The following SYDE2 variants were observed in gnomAD, a reference collection of about 807,000 sequenced individuals.
SYDE2 encodes the protein synapse defective Rho GTPase homolog 2.
In SYDE2, 76 loss-of-function variants were observed where a neutral mutation model predicts 91.5. The observed-to-expected ratio is 0.83, with a 90% CI of 0.69 to 1.01. The LOEUF (loss-of-function observed/expected upper bound fraction) is 1.01. Among genes scored for constraint, SYDE2 ranks in the 50% least tolerant of loss-of-function variants. SYDE2 has a pLI of 0.00. For synonymous variants in SYDE2, 513 were observed against 506.4 expected, an observed-to-expected ratio of 1.01 and a Z score of -0.18; for missense variants, 1,364 against 1,367.7, an observed-to-expected ratio of 1.00 and a Z score of 0.04.
chr1:85,178,380 AT>A (rs1657787594), intron 3 of SYDE2, 108 bp from the exon 4 acceptor site: 3 of 960,898 alleles, frequency 3.1e-6, no homozygotes, highest in Admixed American at 6.0e-5. Flanking sequence ...ATGTCATTTA[AT>A]TTTAAATACC....
At chr1:85,186,213 C>G (rs1352236870) in intron 2 of SYDE2, among the ~76,000 whole-genome samples, 4 of 152,096 alleles carry the variant, frequency 2.6e-5, no homozygotes, top group Non-Finnish European at 2.9e-5. Flanking sequence ...TTTTATTGAG[C>G]ATTTTTGCAT....
intron 6 of SYDE2, among the ~76,000 whole-genome samples, chr1:85,163,588 C>T (rs1657156045): frequency 6.6e-6 from 1 of 151,240 alleles, no homozygotes; most frequent in African/African-American, 2.4e-5. Context: ...CTGAGGCAGG[C>T]ATGATTTAGA....
downstream of SYDE2, among the ~76,000 whole-genome samples, chr1:85,154,947 A>G (rs546953952): frequency 6.6e-6 from 1 of 151,540 alleles, no homozygotes; most frequent in Non-Finnish European, 1.5e-5. Flanking sequence ...TTCTGGGGGA[A>G]AAAAAGGCAC....
chr1:85,160,598 G>A (rs1434582580), intron 6 of SYDE2: 2 of 985,216 alleles, frequency 2.0e-6, no homozygotes, highest in Non-Finnish European at 2.4e-6. Context: ...TTTCCACTGT[G>A]TAATTATTCA....
intron 1 of SYDE2, among the ~76,000 whole-genome samples, chr1:85,194,450 T>C (rs1658502358): frequency 6.8e-6 from 1 of 147,786 alleles, no homozygotes; most frequent in African/African-American, 2.5e-5. Context: ...ATATTATATA[T>C]AAAAATACAT....
intron 1 of SYDE2, 85 bp from the exon 2 acceptor site, chr1:85,190,837 A>T (rs1033998667): frequency 1.8e-5 from 21 of 1,185,542 alleles, no homozygotes; most frequent in East Asian, 1.2e-4. Flanking sequence ...ATTTAAAAAA[A>T]TTTTTTTAAA....
At chr1:85,183,480 G>A (rs1038920904) in intron 2 of SYDE2, among the ~76,000 whole-genome samples, 2 of 152,046 alleles carry the variant, frequency 1.3e-5, no homozygotes, top group Non-Finnish European at 1.5e-5. Flanking sequence ...GCTAATGTAT[G>A]TAACACAACA....
intron 2 of SYDE2, among the ~76,000 whole-genome samples, chr1:85,185,379 A>G (rs1658093109): frequency 6.6e-6 from 1 of 151,700 alleles, no homozygotes; most frequent in East Asian, 1.9e-4. Context: ...CCAGGTTCAC[A>G]ATTTGCCACA....
intron 5 of SYDE2, 42 bp downstream of exon 5, chr1:85,169,002 A>G (rs1051178471): frequency 6.4e-7 from 1 of 1,567,054 alleles, no homozygotes; most frequent in African/African-American, 1.4e-5. Context: ...TATACAGTTC[A>G]TTAACTGGCT....
chr1:85,172,881 G>A (rs1046081059), intron 4 of SYDE2, among the ~76,000 whole-genome samples: 2 of 152,136 alleles, frequency 1.3e-5, no homozygotes, highest in African/African-American at 4.8e-5. Flanking sequence ...ATCAGCACAC[G>A]CAGGTGGGGC....
chr1:85,165,597 A>AATATATATATATGTGGTAAATAAATAAAT (rs137970465), intron 5 of SYDE2, among the ~76,000 whole-genome samples: 14 of 150,704 alleles, frequency 9.3e-5, no homozygotes, highest in Non-Finnish European at 1.3e-4. Context: ...TAAATAAATA[A>AATATATATATATGTGGTAAATAAATAAAT]ATATATATAT....
chr1:85,190,899 T>A (rs529704224), intron 1 of SYDE2, 147 bp from the exon 2 acceptor site: 2 of 537,264 alleles, frequency 3.7e-6, no homozygotes, highest in Non-Finnish European at 6.4e-6. Flanking sequence ...TAGAAAAAAT[T>A]TGAATTTTAC....
Position 85,159,096 on chromosome 1 carries a change from A to C in SYDE2, c.3239T>G (p.Leu1080Ter), listed in dbSNP as rs745696794. 5.1e-6 allele frequency: 4 copies of C among 780,750 alleles called. No individual in the cohort carries two copies. Among genetic ancestry groups the C allele is most frequent in the African/African-American group, 1.7e-5 (1 of 59,124 alleles). The allele number at this position is 780,750 out of a possible 1,614,324, so 48.4% of individuals were successfully genotyped here. ...SGVLRPRQNR[L>*]DSPLSNRYAG... ...ATAACGATTGCTAAGTGGACTGTCTAATCGGTTTTGCCTTGGCCTAAGTAC... is the reference window on the plus strand; with the variant it reads ...ATAACGATTGCTAAGTGGACTGTCTCATCGGTTTTGCCTTGGCCTAAGTAC... Residue 1080 changes from leucine to a stop codon, truncating the protein, a stop_gained, in exon 7 of 7, where the codon TTA (leucine) becomes TGA (stop). Transcript: ENST00000341460. LOFTEE classifies it high-confidence loss of function.
At position 85,200,390 on chromosome 1, in the gene SYDE2, G is replaced by A; in HGVS notation, c.607C>T (p.Leu203=). The change falls in exon 1 of 7, where the codon CTG becomes TTG. Residue 203 remains leucine (L), a synonymous_variant. Transcript: ENST00000341460. ...KWMYKGRLLS[L]GMKGRARGTA... The stretch of plus-strand genomic sequence containing the variant: ...CCACGGGCACGACCCTTCATTCCCA[G>A]GGACAGCAGACGCCCTTTGTACATC... 6.2e-7 allele frequency: 1 copy of A among 1,614,024 alleles called. No individual in the cohort carries two copies. The highest frequency in any genetic ancestry group is 8.5e-7 in the Non-Finnish European group (1 of 1,179,902).
intron 1 of SYDE2, among the ~76,000 whole-genome samples, chr1:85,193,104 T>C (rs917539386): frequency 6.6e-6 from 1 of 152,252 alleles, no homozygotes; most frequent in African/African-American, 2.4e-5. Flanking sequence ...TCTAGGCTAC[T>C]ATAAGGGAAA....
intron 6 of SYDE2, 61 bp downstream of exon 6, chr1:85,164,465 G>A (rs1048794819): frequency 1.7e-6 from 2 of 1,173,826 alleles, no homozygotes; most frequent in Middle Eastern, 2.1e-4. Flanking sequence ...CATATTTAAT[G>A]ATTAGTTAAT....
At chr1:85,188,965 A>G (rs186162527) in intron 2 of SYDE2, among the ~76,000 whole-genome samples, 72 of 152,366 alleles carry the variant, frequency 4.7e-4, no homozygotes, top group Middle Eastern at 3.4e-3. Context: ...ATGACTTGAT[A>G]TAAAACAGAA....
intron 1 of SYDE2, among the ~76,000 whole-genome samples, chr1:85,198,031 T>C (rs1339319306): frequency 6.6e-6 from 1 of 152,220 alleles, no homozygotes; most frequent in Admixed American, 6.5e-5. Flanking sequence ...GGAAGTTACT[T>C]ACCCCGCTAT....
chr1:85,156,694 G>C (rs1286136727), downstream of SYDE2, among the ~76,000 whole-genome samples: 1 of 152,064 alleles, frequency 6.6e-6, no homozygotes, highest in Non-Finnish European at 1.5e-5. Context: ...TAGTAATATA[G>C]TAATACAAGC....
Sources: gnomAD v4.1 joint callset for allele counts (sites outside exome capture counted in the v4.1 genomes callset) on GRCh38, gnomAD v4.1.1 for gene constraint, MANE v1.5 for transcripts, NCBI Gene and HGNC (gene_info 2026-07-23, HGNC 2026-07-21) for gene names.